The following NEGR1 variants were observed in gnomAD, a reference collection of about 807,000 sequenced individuals.
NEGR1 encodes neuronal growth regulator 1.
In NEGR1, 10 loss-of-function variants were observed where a neutral mutation model predicts 40.9. The ratio of observed to expected loss-of-function variants is 0.24; its 90% confidence interval spans 0.15 to 0.42. NEGR1 has a LOEUF of 0.42. NEGR1 is among the 10% of genes least tolerant of loss of function. NEGR1 has a pLI of 1.00. For missense variants in NEGR1, 352 were observed against 438.9 expected (o/e 0.80, Z 1.77); for synonymous variants, 185 against 166.8 (o/e 1.11, Z -0.84).
chr1:72,002,195 T>C (rs923395951), intron 1 of NEGR1, among the ~76,000 whole-genome samples: 1 of 152,132 alleles, frequency 6.6e-6, no homozygotes, highest in African/African-American at 2.4e-5. Flanking sequence ...TTCCTGCCTT[T>C]ACATTGTGTT....
In NEGR1 at chr1:71,689,109, G is replaced by T. The variant is rs898527896; in HGVS notation, c.667+8899C>A. On this transcript the variant is annotated intron_variant, in intron 4 of 6. Coordinates refer to ENST00000357731, the MANE Select transcript of NEGR1 (RefSeq NM_173808.3). ...TTATTACTGTACTTATTCTTCACAT[G>T]AATTACATTTTAAAGGATGAAAAGT... Among the ~76,000 whole-genome samples the T allele has an allele frequency of 3.3e-5, 5 of 152,014 alleles. No individual in the cohort carries two copies. In the East Asian group the frequency reaches 9.6e-4, roughly 29 times the overall value.
intron 2 of NEGR1, among the ~76,000 whole-genome samples, chr1:71,927,817 C>CAAAAA: frequency 3.0e-5 from 1 of 33,298 alleles, no homozygotes; most frequent in Non-Finnish European, 4.7e-5. Flanking sequence ...GACCCAATCT[C>CAAAAA]TAAAAAAAAA....
intron 1 of NEGR1, among the ~76,000 whole-genome samples, chr1:72,063,786 T>C (rs1275245088): frequency 6.6e-6 from 1 of 151,990 alleles, no homozygotes; most frequent in Non-Finnish European, 1.5e-5. Flanking sequence ...TCATGACTAT[T>C]AAGCCCTCAA....
chr1:72,119,468 A>C (rs968909921), intron 1 of NEGR1, among the ~76,000 whole-genome samples: 5 of 152,006 alleles, frequency 3.3e-5, no homozygotes, highest in Non-Finnish European at 7.4e-5. Flanking sequence ...GTATTAAAAA[A>C]ATGAGGGGGG....
At chr1:72,151,522 C>T (rs904823574) in intron 1 of NEGR1, among the ~76,000 whole-genome samples, 1 of 151,154 alleles carries the variant, frequency 6.6e-6, no homozygotes, top group Non-Finnish European at 1.5e-5. Context: ...ACATGATAAT[C>T]AATAATAAAA....
chr1:71,551,558 A>C (rs1465324925), intron 6 of NEGR1, among the ~76,000 whole-genome samples: 2 of 151,658 alleles, frequency 1.3e-5, no homozygotes, highest in African/African-American at 4.8e-5. Flanking sequence ...AAATTATTTA[A>C]CTTTGTTTAG....
chr1:72,065,592 TG>T (rs1647252676), intron 1 of NEGR1, among the ~76,000 whole-genome samples: 3 of 152,132 alleles, frequency 2.0e-5, no homozygotes. Context: ...ACTCCAGCAA[TG>T]GTAATTGGGA....
rs548270688 is a variant in NEGR1, at chr1:71,405,030, G to A, written c.*2416C>T. On this transcript the variant is annotated 3_prime_UTR_variant, in exon 7 of 7. Coordinates refer to ENST00000357731, the MANE Select transcript of NEGR1 (RefSeq NM_173808.3). ...GGACTAGGAATGCTGCTGTGATACAGAAAAACATAGTGAATACCTCCTCTA... is the reference window on the plus strand; with the variant it reads ...GGACTAGGAATGCTGCTGTGATACAAAAAAACATAGTGAATACCTCCTCTA... 5 of 152,232 alleles carry A rather than the reference G, an allele frequency of 3.3e-5. No individual in the cohort carries two copies. The South Asian group carries it at 8.3e-4, about 25-fold the overall frequency. The allele number at this position is 152,232 out of a possible 1,614,324, so 9.4% of individuals were successfully genotyped here. A position where few individuals can be genotyped will look rare whatever the true frequency, so the allele number is the denominator to read the frequency against.
At chr1:71,668,081 A>G (rs1288559444) in intron 4 of NEGR1, among the ~76,000 whole-genome samples, 1 of 152,170 alleles carries the variant, frequency 6.6e-6, no homozygotes, top group African/African-American at 2.4e-5. Flanking sequence ...AATACATGCT[A>G]GGAACTAACA....
At chr1:72,170,605 A>G (rs773900177) in intron 1 of NEGR1, among the ~76,000 whole-genome samples, 8 of 152,184 alleles carry the variant, frequency 5.3e-5, no homozygotes, top group Non-Finnish European at 1.2e-4. Flanking sequence ...TTGTCCTTGC[A>G]AGTCCTATGT....
At chr1:72,164,296 T>C (rs1161409330) in intron 1 of NEGR1, among the ~76,000 whole-genome samples, 3 of 152,018 alleles carry the variant, frequency 2.0e-5, no homozygotes, top group Non-Finnish European at 4.4e-5. Flanking sequence ...AAACTGTTTT[T>C]TTTTTAAATT....
chr1:72,226,927 A>T (rs894125036), intron 1 of NEGR1, among the ~76,000 whole-genome samples: 1 of 152,058 alleles, frequency 6.6e-6, no homozygotes, highest in Non-Finnish European at 1.5e-5. Flanking sequence ...ATGACCATCC[A>T]TTCCATTTTC....
At chr1:71,424,585 A>T (rs1001095185) in intron 6 of NEGR1, among the ~76,000 whole-genome samples, 2 of 152,140 alleles carry the variant, frequency 1.3e-5, no homozygotes, top group African/African-American at 4.8e-5. Context: ...GGGTGGGCCT[A>T]CCCCAGTTAC....
intron 2 of NEGR1, among the ~76,000 whole-genome samples, chr1:71,831,267 A>G (rs1658830649): frequency 6.6e-6 from 1 of 151,878 alleles, no homozygotes; most frequent in Non-Finnish European, 1.5e-5. Context: ...TGGCACTATC[A>G]AAGGATCAAG....
intron 6 of NEGR1, among the ~76,000 whole-genome samples, chr1:71,575,566 G>A (rs998635743): frequency 6.6e-6 from 1 of 152,102 alleles, no homozygotes; most frequent in African/African-American, 2.4e-5. Context: ...GGTGGATCAC[G>A]AGGTCAGGAG....
At chr1:71,898,991 T>TATATAGC (rs1553173477) in intron 2 of NEGR1, among the ~76,000 whole-genome samples, 6 of 77,048 alleles carry the variant, frequency 7.8e-5, no homozygotes, top group African/African-American at 2.2e-4. Context: ...CATATATATA[T>TATATAGC]ATATATATAT....
At chr1:72,069,551 C>T (rs1647375915) in intron 1 of NEGR1, among the ~76,000 whole-genome samples, 2 of 152,032 alleles carry the variant, frequency 1.3e-5, no homozygotes. Flanking sequence ...ACTTTTGATA[C>T]CTGTGAAATG....
At chr1:71,974,525 C>T (rs752491478) in intron 1 of NEGR1, among the ~76,000 whole-genome samples, 11 of 151,748 alleles carry the variant, frequency 7.2e-5, no homozygotes, top group Non-Finnish European at 7.4e-5. Flanking sequence ...TATAATTAAA[C>T]GGCACTAGTT....
At chr1:71,970,472 C>G (rs971031135) in intron 1 of NEGR1, among the ~76,000 whole-genome samples, 2 of 152,118 alleles carry the variant, frequency 1.3e-5, no homozygotes, top group African/African-American at 4.8e-5. Context: ...AGACAGATTA[C>G]TGGAGGCCTG....
Sources: gnomAD v4.1 joint callset for allele counts (sites outside exome capture counted in the v4.1 genomes callset) on GRCh38, gnomAD v4.1.1 for gene constraint, MANE v1.5 for transcripts, NCBI Gene and HGNC (gene_info 2026-07-23, HGNC 2026-07-21) for gene names.